The following TENM2 variants were observed in gnomAD, a reference collection of about 807,000 sequenced individuals.
TENM2 encodes the protein teneurin-2.
A neutral mutation model predicts 245.2 loss-of-function variants in TENM2; 52 were observed. The ratio of observed to expected loss-of-function variants is 0.21; its 90% CI spans 0.17 to 0.27. The LOEUF (loss-of-function observed/expected upper bound fraction) is 0.27. TENM2 is among the 10% of genes least tolerant of loss of function. The pLI is 1.00. For synonymous variants in TENM2, 1,363 were observed against 1,438.9 expected, an observed-to-expected ratio of 0.95 and a Z score of 1.19; for missense variants, 3,046 against 3,666.8, an observed-to-expected ratio of 0.83 and a Z score of 4.37.
intron 1 of TENM2, among the ~76,000 whole-genome samples, chr5:167,355,207 T>G (rs1220588473): frequency 6.6e-6 from 1 of 152,118 alleles, no homozygotes; most frequent in Non-Finnish European, 1.5e-5. Context: ...TGCCCGTGGG[T>G]CTGTGTGTGC....
At chr5:168,220,356 G>C (rs1248726378) in intron 23 of TENM2, among the ~76,000 whole-genome samples, 1 of 152,188 alleles carries the variant, frequency 6.6e-6, no homozygotes, top group East Asian at 1.9e-4. Flanking sequence ...TTTACAGACT[G>C]TCATAAAGAA....
intron 2 of TENM2, among the ~76,000 whole-genome samples, chr5:167,662,240 T>G (rs560553368): frequency 9.9e-5 from 15 of 152,070 alleles, no homozygotes; most frequent in African/African-American, 3.4e-4. Context: ...CTTGCTAGAT[T>G]GGGTATGGGG....
At chr5:167,528,930 G>A (rs765255494) in intron 2 of TENM2, among the ~76,000 whole-genome samples, 126 of 152,056 alleles carry the variant, frequency 8.3e-4, no homozygotes, top group Non-Finnish European at 1.4e-3. Context: ...ATATTCCCAC[G>A]TGATTTTTCT....
chr5:167,647,753 G>C (rs1162282026), intron 2 of TENM2, among the ~76,000 whole-genome samples: 1 of 152,150 alleles, frequency 6.6e-6, no homozygotes, highest in Non-Finnish European at 1.5e-5. Flanking sequence ...CCCTGGAGGT[G>C]CCCCATGATC....
At chr5:167,436,169 G>T (rs905503147) in intron 2 of TENM2, among the ~76,000 whole-genome samples, 4 of 151,698 alleles carry the variant, frequency 2.6e-5, no homozygotes, top group African/African-American at 9.7e-5. Flanking sequence ...AGTAGAGACA[G>T]GGTTTCACCG....
At chr5:167,974,927 A>G in intron 4 of TENM2, among the ~76,000 whole-genome samples, 1 of 152,140 alleles carries the variant, frequency 6.6e-6, no homozygotes, top group East Asian at 1.9e-4. Flanking sequence ...TTTTCACATA[A>G]CCACTTAATT....
At chr5:167,761,509 A>T (rs1762666104) in intron 2 of TENM2, among the ~76,000 whole-genome samples, 2 of 152,234 alleles carry the variant, frequency 1.3e-5, no homozygotes, top group Non-Finnish European at 2.9e-5. Context: ...ATTAGAAAAA[A>T]AAAATCATCC....
the TENM2 span, among the ~76,000 whole-genome samples, chr5:167,085,338 A>G: frequency 6.6e-6 from 1 of 152,214 alleles, no homozygotes; most frequent in Non-Finnish European, 1.5e-5. Flanking sequence ...TTGGGATCAG[A>G]TACTCAAGAT....
chr5:167,802,420 A>G (rs768518613), intron 2 of TENM2, among the ~76,000 whole-genome samples: 13 of 152,186 alleles, frequency 8.5e-5, no homozygotes, highest in Non-Finnish European at 1.6e-4. Flanking sequence ...ATTACCAGTT[A>G]CTAGAAGTGT....
intron 2 of TENM2, among the ~76,000 whole-genome samples, chr5:167,582,304 T>C (rs1239111583): frequency 2.0e-5 from 3 of 152,206 alleles, no homozygotes; most frequent in East Asian, 1.9e-4. Flanking sequence ...TGAAAAGATA[T>C]GTAATTGAGC....
the TENM2 span, among the ~76,000 whole-genome samples, chr5:167,070,590 A>G: frequency 6.6e-6 from 1 of 152,082 alleles, no homozygotes; most frequent in Non-Finnish European, 1.5e-5. Flanking sequence ...TAATCTATAT[A>G]ATCTTTACCA....
At chr5:167,044,350 T>C in the TENM2 span, among the ~76,000 whole-genome samples, 1 of 152,122 alleles carries the variant, frequency 6.6e-6, no homozygotes, top group Non-Finnish European at 1.5e-5. Flanking sequence ...AGACGAAAAG[T>C]GACTTTGCGG....
chr5:168,166,491 T>C (rs760981954), intron 13 of TENM2, among the ~76,000 whole-genome samples: 7 of 152,202 alleles, frequency 4.6e-5, no homozygotes, highest in Non-Finnish European at 7.3e-5. Context: ...AATTAAGCCC[T>C]AATACTTTAT....
chr5:167,818,193 C>G (rs1767219179), intron 2 of TENM2, among the ~76,000 whole-genome samples: 1 of 152,194 alleles, frequency 6.6e-6, no homozygotes, highest in Admixed American at 6.5e-5. Context: ...TTAATGTTCT[C>G]AGTTTTTATA....
intron 2 of TENM2, among the ~76,000 whole-genome samples, chr5:167,388,396 C>T (rs960801855): frequency 7.2e-5 from 11 of 152,026 alleles, no homozygotes; most frequent in Admixed American, 1.3e-4. Flanking sequence ...TGGATTTTCT[C>T]TCTTTCTTTA....
At chr5:168,159,182 A>T (rs778766311) in intron 12 of TENM2, among the ~76,000 whole-genome samples, 5 of 152,032 alleles carry the variant, frequency 3.3e-5, no homozygotes, top group African/African-American at 7.2e-5. Context: ...TCTTCAGACA[A>T]TGCCAAATGT....
At chr5:167,104,622 G>A in the TENM2 span, among the ~76,000 whole-genome samples, 11 of 152,268 alleles carry the variant, frequency 7.2e-5, no homozygotes, top group East Asian at 1.4e-3. Context: ...TTAGTCAATA[G>A]GATCCTATCA....
At chr5:167,288,773 G>A (rs1754465652) in intron 1 of TENM2, among the ~76,000 whole-genome samples, 1 of 152,136 alleles carries the variant, frequency 6.6e-6, no homozygotes, top group Non-Finnish European at 1.5e-5. Flanking sequence ...CATGGAAAGA[G>A]CCGGAGATAG....
chr5:168,105,473 G>A lies in TENM2; in HGVS notation c.1813+7346G>A, dbSNP rs1322298899. Reference sequence around the variant, plus strand: ...CAGAGGCCGGCCTTATCACACAGGTGCACCTGGTCTCCTGGGCCGTGAGAG... The same window carrying A: ...CAGAGGCCGGCCTTATCACACAGGTACACCTGGTCTCCTGGGCCGTGAGAG... On this transcript the variant is annotated intron_variant, in intron 9 of 28. Transcript: ENST00000518659. 2.0e-5 allele frequency among the ~76,000 whole-genome samples: 3 copies of A among 152,296 alleles called. No homozygotes were observed. In the East Asian group the frequency reaches 5.8e-4, roughly 29 times the overall value.
Sources: allele counts gnomAD v4.1 joint callset (sites outside exome capture counted in the v4.1 genomes callset), GRCh38; gene constraint gnomAD v4.1.1; transcripts MANE v1.5; gene names NCBI Gene and HGNC (gene_info 2026-07-23, HGNC 2026-07-21).